Variants in CHRM3 observed in about 807,000 individuals in gnomAD.
CHRM3 encodes the protein muscarinic acetylcholine receptor M3.
Under a neutral mutation model 41.8 loss-of-function variants are expected in CHRM3, and 11 were observed. That is an observed-to-expected ratio of 0.26 (90% CI 0.17 to 0.44). The LOEUF (loss-of-function observed/expected upper bound fraction) is 0.44, where lower values mean the gene tolerates loss of function less well. CHRM3 is among the 20% of genes least tolerant of loss of function. CHRM3 has a pLI of 1.00. For missense variants in CHRM3, 571 were observed against 745.4 expected, an observed-to-expected ratio of 0.77 and a Z score of 2.72; for synonymous variants, 297 against 301.4, an observed-to-expected ratio of 0.99 and a Z score of 0.15.
intron 3 of CHRM3, among the ~76,000 whole-genome samples, chr1:239,618,543 A>G (rs1443474042): frequency 6.6e-6 from 1 of 151,804 alleles, no homozygotes; most frequent in African/African-American, 2.4e-5. Flanking sequence ...CATTCCTATC[A>G]CTTAAAAGAT....
chr1:239,871,266 G>A (rs1676557834), intron 6 of CHRM3, among the ~76,000 whole-genome samples: 1 of 152,118 alleles, frequency 6.6e-6, no homozygotes, highest in Non-Finnish European at 1.5e-5. Context: ...TTTTTGAGAT[G>A]GAGTCTCGCT....
At chr1:239,532,307 G>C (rs1349304979) in intron 2 of CHRM3, among the ~76,000 whole-genome samples, 6 of 140,770 alleles carry the variant, frequency 4.3e-5, no homozygotes, top group African/African-American at 1.5e-4. Context: ...CACCGCGCCC[G>C]GCTGGTGGAG....
intron 5 of CHRM3, among the ~76,000 whole-genome samples, chr1:239,771,085 C>CT (rs1263134465): frequency 1.4e-5 from 2 of 147,052 alleles, no homozygotes; most frequent in Non-Finnish European, 3.0e-5. Context: ...CAGACTCCAT[C>CT]TCAAAAAAAA....
intron 5 of CHRM3, chr1:239,707,332 A>C (rs1318162794): frequency 6.6e-6 from 1 of 152,210 alleles, no homozygotes; most frequent in Non-Finnish European, 1.5e-5. Context: ...GAGTCTAAAA[A>C]AAAATTAGCT....
chr1:239,908,129 C>G lies in CHRM3; in HGVS notation c.678C>G (p.Leu226=), dbSNP rs781593189. The G allele has an allele frequency of 6.2e-7, 1 of 1,614,166 alleles. No homozygotes were observed. The highest frequency in any genetic ancestry group is 8.5e-7 in the Non-Finnish European group (1 of 1,180,052). ...VPPGECFIQF[L]SEPTITFGTA... ...CGGGAGAGTGCTTCATTCAGTTCCT[C>G]AGTGAGCCCACCATTACTTTTGGCA... The change falls in exon 7 of 7, where the codon CTC becomes CTG. Residue 226 remains leucine (L), a synonymous_variant. Transcript: ENST00000676153. This position sits in a 1 kb window ranked among gnomAD's most constrained non-coding sequence, Gnocchi z 7.2.
intron 5 of CHRM3, among the ~76,000 whole-genome samples, chr1:239,770,383 A>C (rs1667564553): frequency 6.6e-6 from 1 of 152,212 alleles, no homozygotes; most frequent in Admixed American, 6.5e-5. Flanking sequence ...ACAACAACAA[A>C]AAAATGGTCA....
At chr1:239,646,527 G>A (rs956442057) in intron 4 of CHRM3, among the ~76,000 whole-genome samples, 2 of 152,138 alleles carry the variant, frequency 1.3e-5, no homozygotes, top group African/African-American at 2.4e-5. Flanking sequence ...TGCTAAGGTA[G>A]AATAAAAGGT....
chr1:239,496,543 G>GTA (rs1553312714), intron 2 of CHRM3, among the ~76,000 whole-genome samples: 6 of 144,688 alleles, frequency 4.1e-5, no homozygotes, highest in East Asian at 2.0e-4. Context: ...GTGTGTGTGT[G>GTA]TATAATTATA....
chr1:239,559,684 A>G (rs1660685677), intron 3 of CHRM3, among the ~76,000 whole-genome samples: 1 of 152,148 alleles, frequency 6.6e-6, no homozygotes, highest in Admixed American at 6.6e-5. Context: ...GAATTGATTA[A>G]ATTGTTACAT....
intron 6 of CHRM3, among the ~76,000 whole-genome samples, chr1:239,830,795 C>G (rs2149097021): frequency 6.6e-6 from 1 of 152,266 alleles, no homozygotes; most frequent in East Asian, 1.9e-4. Flanking sequence ...TGTCCCTGAG[C>G]TGTGGACACC....
chr1:239,451,141 T>A (rs2103321042), intron 1 of CHRM3, among the ~76,000 whole-genome samples: 1 of 152,270 alleles, frequency 6.6e-6, no homozygotes, highest in East Asian at 1.9e-4. Flanking sequence ...GGAGGATTGC[T>A]TGAGCCCGGG....
chr1:239,602,133 T>TAC lies in CHRM3; in HGVS notation c.-312-30090_-312-30089insCA, dbSNP rs1335733528. ...GTGTATATATATATATATATATATA[T>TAC]ATATATAATTTTGTTTTTTGAGACA... On this transcript the variant is annotated intron_variant, in intron 3 of 6. Coordinates refer to ENST00000676153, the MANE Select transcript of CHRM3 (RefSeq NM_001375978.1). Among the ~76,000 whole-genome samples, 1,352 of 147,308 alleles carry TAC rather than the reference T, an allele frequency of 9.2e-3. 6 individuals carry two copies. The highest frequency in any genetic ancestry group is 0.034 in the South Asian group (163 of 4,726).
chr1:239,823,800 C>G (rs897155547), intron 5 of CHRM3, among the ~76,000 whole-genome samples: 1 of 151,648 alleles, frequency 6.6e-6, no homozygotes, highest in African/African-American at 2.4e-5. Flanking sequence ...AAATGACAAA[C>G]TTGGGGAAAA....
At chr1:239,875,170 A>G (rs1428837848) in intron 6 of CHRM3, among the ~76,000 whole-genome samples, 2 of 152,214 alleles carry the variant, frequency 1.3e-5, no homozygotes, top group African/African-American at 4.8e-5. Context: ...TGTTACAGAA[A>G]CAGCACTAAT....
intron 1 of CHRM3, among the ~76,000 whole-genome samples, chr1:239,438,524 T>C (rs1390939379): frequency 6.6e-6 from 1 of 152,256 alleles, no homozygotes; most frequent in Non-Finnish European, 1.5e-5. Flanking sequence ...TTTACTTTGA[T>C]ACACCACAGC....
At chr1:239,684,768 A>AAG (rs1553363707) in intron 5 of CHRM3, among the ~76,000 whole-genome samples, 3,200 of 139,172 alleles carry the variant, frequency 0.023, 102 homozygotes, top group Non-Finnish European at 0.037. Context: ...GAAAGAAAGA[A>AAG]AGAGAAAGAG....
At chr1:239,412,234 CT>C (rs1661138767) in intron 1 of CHRM3, among the ~76,000 whole-genome samples, 1 of 135,058 alleles carries the variant, frequency 7.4e-6, no homozygotes, top group African/African-American at 2.9e-5. Flanking sequence ...TCTCCCCTTT[CT>C]TTTTCTTTTT....
At chr1:239,835,409 C>G (rs1673227904) in intron 6 of CHRM3, among the ~76,000 whole-genome samples, 1 of 152,136 alleles carries the variant, frequency 6.6e-6, no homozygotes, top group Non-Finnish European at 1.5e-5. Flanking sequence ...ACTACGTTCT[C>G]TGCACAAGTG....
chr1:239,556,383 A>G (rs1199399138), intron 3 of CHRM3, among the ~76,000 whole-genome samples: 1 of 152,186 alleles, frequency 6.6e-6, no homozygotes, highest in Non-Finnish European at 1.5e-5. Context: ...GTCAAATGAT[A>G]TCGTCTCATG....
Sources: allele counts gnomAD v4.1 joint callset (sites outside exome capture counted in the v4.1 genomes callset), GRCh38; gene constraint gnomAD v4.1.1; non-coding constraint Gnocchi (gnomAD v3.1); transcripts MANE v1.5; gene names NCBI Gene and HGNC (gene_info 2026-07-23, HGNC 2026-07-21).